The following NLGN1 variants were observed in gnomAD, a reference collection of about 807,000 sequenced individuals.
NLGN1 encodes neuroligin-1.
A neutral mutation model predicts 65.5 loss-of-function variants in NLGN1; 12 were observed. The observed-to-expected ratio is 0.18, with a 90% CI of 0.12 to 0.30. The LOEUF (loss-of-function observed/expected upper bound fraction) is 0.30, where lower values mean the gene tolerates loss of function less well. NLGN1 is among the 10% of genes least tolerant of loss of function. The pLI is 1.00. For missense variants in NLGN1, 750 were observed against 1,007.1 expected (o/e 0.74, Z 3.46); for synonymous variants, 350 against 359.5 (o/e 0.97, Z 0.30).
intron 4 of NLGN1, among the ~76,000 whole-genome samples, chr3:173,882,434 T>C (rs1733521160): frequency 1.3e-5 from 2 of 152,254 alleles, no homozygotes; most frequent in African/African-American, 4.8e-5. Context: ...GACTCTTTCA[T>C]ATACACTGAA....
intron 4 of NLGN1, among the ~76,000 whole-genome samples, chr3:173,933,774 A>T (rs1282341438): frequency 5.9e-5 from 9 of 152,086 alleles, no homozygotes; most frequent in Admixed American, 5.9e-4. Flanking sequence ...TGACTAGGTT[A>T]TTTCTTTGTT....
chr3:173,948,399 G>C (rs568310410), intron 4 of NLGN1, among the ~76,000 whole-genome samples: 2 of 152,290 alleles, frequency 1.3e-5, no homozygotes, highest in African/African-American at 2.4e-5. Flanking sequence ...TTGTTGATTT[G>C]CAAGACCTGA....
chr3:173,773,847 G>A (rs928835734), intron 3 of NLGN1, among the ~76,000 whole-genome samples: 12 of 152,296 alleles, frequency 7.9e-5, no homozygotes, highest in Non-Finnish European at 1.3e-4. Flanking sequence ...GAGTGACTGA[G>A]GTATGAAATT....
chr3:173,491,690 T>G (rs1375585937), intron 2 of NLGN1, among the ~76,000 whole-genome samples: 6 of 151,886 alleles, frequency 4.0e-5, no homozygotes, highest in Non-Finnish European at 7.4e-5. Context: ...TGTGCTAGGC[T>G]TCAATTATCC....
At chr3:173,606,031 A>G (rs1751354754) in intron 3 of NLGN1, among the ~76,000 whole-genome samples, 1 of 152,158 alleles carries the variant, frequency 6.6e-6, no homozygotes, top group South Asian at 2.1e-4. Context: ...TCAGCATTCC[A>G]TCTGAACACT....
chr3:173,822,099 CAAA>C (rs1278097474), intron 4 of NLGN1, among the ~76,000 whole-genome samples: 1 of 152,092 alleles, frequency 6.6e-6, no homozygotes, highest in Non-Finnish European at 1.5e-5. Context: ...CTAAGCTCTG[CAAA>C]AGAAATTTCT....
intron 4 of NLGN1, among the ~76,000 whole-genome samples, chr3:174,098,752 C>T (rs1576860652): frequency 6.6e-6 from 1 of 152,174 alleles, no homozygotes; most frequent in African/African-American, 2.4e-5. Flanking sequence ...AAATCGATCA[C>T]ACCTTGAGTA....
At chr3:174,188,414 G>A (rs1731809183) in intron 4 of NLGN1, among the ~76,000 whole-genome samples, 1 of 151,990 alleles carries the variant, frequency 6.6e-6, no homozygotes, top group African/African-American at 2.4e-5. Flanking sequence ...CGCAGTTGCT[G>A]TGTTCCAGAG....
intron 4 of NLGN1, among the ~76,000 whole-genome samples, chr3:174,005,082 A>G (rs2152432621): frequency 6.6e-6 from 1 of 152,308 alleles, no homozygotes; most frequent in East Asian, 1.9e-4. Flanking sequence ...ATAGTATTAT[A>G]TGCTATCTTC....
intron 4 of NLGN1, among the ~76,000 whole-genome samples, chr3:173,947,118 A>G (rs1010571412): frequency 1.3e-5 from 2 of 149,486 alleles, no homozygotes; most frequent in Non-Finnish European, 3.0e-5. Flanking sequence ...CTGGGGTGCA[A>G]TGGCGTGATC....
intron 4 of NLGN1, among the ~76,000 whole-genome samples, chr3:174,131,534 A>G (rs1720191601): frequency 6.6e-6 from 1 of 152,194 alleles, no homozygotes; most frequent in Non-Finnish European, 1.5e-5. Context: ...GAACCTTATA[A>G]TGATAATATT....
At chr3:173,943,215 C>A (rs1481235482) in intron 4 of NLGN1, among the ~76,000 whole-genome samples, 1 of 146,472 alleles carries the variant, frequency 6.8e-6, no homozygotes, top group Non-Finnish European at 1.5e-5. Context: ...GGACAGAAGA[C>A]CCTGTCTCAA....
chr3:174,220,535 C>T (rs999941061), intron 4 of NLGN1, among the ~76,000 whole-genome samples: 6 of 152,076 alleles, frequency 3.9e-5, no homozygotes, highest in African/African-American at 1.2e-4. Context: ...TAGACCAAGA[C>T]GACATTATTT....
At chr3:174,286,062 G>C (rs1234919660) in exon 7 of NLGN1, 1 of 151,250 alleles carries the variant, frequency 6.6e-6, no homozygotes, top group Admixed American at 6.6e-5. Flanking sequence ...CAAATAGTAA[G>C]TTTAATTTGA....
chr3:174,018,979 T>C (rs530503820), intron 4 of NLGN1, among the ~76,000 whole-genome samples: 3 of 152,142 alleles, frequency 2.0e-5, no homozygotes, highest in African/African-American at 7.2e-5. Context: ...TAAACAAATA[T>C]AGCTAATAAG....
At chr3:173,504,081 A>G (rs1731608446) in intron 2 of NLGN1, among the ~76,000 whole-genome samples, 1 of 152,080 alleles carries the variant, frequency 6.6e-6, no homozygotes, top group African/African-American at 2.4e-5. Context: ...TTGATGAGAA[A>G]TGTAATCAAC....
At chr3:173,448,480 A>T (rs1720814540) in intron 2 of NLGN1, among the ~76,000 whole-genome samples, 1 of 152,012 alleles carries the variant, frequency 6.6e-6, no homozygotes, top group Non-Finnish European at 1.5e-5. Flanking sequence ...TTTATTGAGG[A>T]TTTTTGCATC....
intron 2 of NLGN1, among the ~76,000 whole-genome samples, chr3:173,590,080 C>T (rs1384289045): frequency 6.6e-6 from 1 of 152,038 alleles, no homozygotes; most frequent in Non-Finnish European, 1.5e-5. Context: ...AAAGTGATTA[C>T]AGCATAGAAC....
At chr3:173,568,599 A>G (rs534350689) in intron 2 of NLGN1, among the ~76,000 whole-genome samples, 19 of 152,226 alleles carry the variant, frequency 1.2e-4, no homozygotes, top group Non-Finnish European at 2.5e-4. Flanking sequence ...AACAGTGAAC[A>G]AAAGTATTTA....
Sources: allele counts gnomAD v4.1 joint callset (sites outside exome capture counted in the v4.1 genomes callset), GRCh38; gene constraint gnomAD v4.1.1; transcripts MANE v1.5; gene names NCBI Gene and HGNC (gene_info 2026-07-23, HGNC 2026-07-21).